ZNF385D: variants seen among roughly 807,000 people sequenced by gnomAD.
The protein encoded by ZNF385D is zinc finger protein 385D.
A neutral mutation model predicts 35.8 loss-of-function variants in ZNF385D; 15 were observed. The observed-to-expected ratio is 0.42, with a 90% CI of 0.28 to 0.64. ZNF385D has a LOEUF of 0.64. ZNF385D is among the 30% of genes least tolerant of loss of function. The pLI, the probability that ZNF385D is intolerant of heterozygous loss-of-function variation, is 0.23. For missense variants in ZNF385D, 474 were observed against 494.6 expected (o/e 0.96, Z 0.39); for synonymous variants, 212 against 186.8 (o/e 1.13, Z -1.10).
intron 1 of ZNF385D, among the ~76,000 whole-genome samples, chr3:21,730,520 C>T (rs2068948836): frequency 6.6e-6 from 1 of 152,150 alleles, no homozygotes; most frequent in Non-Finnish European, 1.5e-5. Context: ...AATAATAATT[C>T]CACATACAGT....
At chr3:21,706,814 T>TGATA (rs67457933) in intron 1 of ZNF385D, among the ~76,000 whole-genome samples, 6,395 of 150,276 alleles carry the variant, frequency 0.043, 268 homozygotes, top group African/African-American at 0.11. Flanking sequence ...AGATAATAGA[T>TGATA]GATAGATAGA....
At chr3:21,700,697 G>T (rs2067650265) in intron 1 of ZNF385D, among the ~76,000 whole-genome samples, 1 of 152,270 alleles carries the variant, frequency 6.6e-6, no homozygotes, top group Non-Finnish European at 1.5e-5. Flanking sequence ...GCTTTCCATA[G>T]AGAGGTGTTG....
intron 1 of ZNF385D, among the ~76,000 whole-genome samples, chr3:21,708,333 G>T (rs2067981918): frequency 6.6e-6 from 1 of 152,210 alleles, no homozygotes; most frequent in South Asian, 2.1e-4. Flanking sequence ...CACAATGAGG[G>T]TGGTGTTATT....
chr3:21,631,179 CT>C lies in ZNF385D; in HGVS notation c.165+33706del, dbSNP rs1485430813. 2.0e-5 allele frequency among the ~76,000 whole-genome samples: 3 copies of C among 152,056 alleles called. No homozygotes were observed. In the East Asian group the frequency reaches 5.8e-4, roughly 29 times the overall value. Reference sequence around the variant, plus strand: ...ATAGAAACTTTCTGATGACAATTTCCTTTTCCACGCTGCACTTCAGTGGACG... The same window carrying C: ...ATAGAAACTTTCTGATGACAATTTCCTTTCCACGCTGCACTTCAGTGGACG... On this transcript the variant is annotated intron_variant, in intron 2 of 7. Coordinates refer to ENST00000281523, the MANE Select transcript of ZNF385D (RefSeq NM_024697.3).
At chr3:21,548,254 C>A (rs2062448918) in intron 3 of ZNF385D, among the ~76,000 whole-genome samples, 1 of 152,156 alleles carries the variant, frequency 6.6e-6, no homozygotes, top group African/African-American at 2.4e-5. Flanking sequence ...CACCACCACA[C>A]CTGGCTGATA....
chr3:21,789,845 A>C (rs3933112), intron 3 of ZNF385D, among the ~76,000 whole-genome samples: 37,509 of 152,056 alleles, frequency 0.25, 4,758 homozygotes, highest in East Asian at 0.35. Flanking sequence ...ATATTCTACA[A>C]CCTTTGTGTA....
At chr3:21,711,938 A>T (rs2068124839) in intron 1 of ZNF385D, among the ~76,000 whole-genome samples, 1 of 152,226 alleles carries the variant, frequency 6.6e-6, no homozygotes, top group Admixed American at 6.5e-5. Context: ...AAAAACACAC[A>T]ATTATGTAAA....
chr3:22,036,574 AAAAC>A (rs986793025), intron 3 of ZNF385D, among the ~76,000 whole-genome samples: 4 of 152,094 alleles, frequency 2.6e-5, no homozygotes, highest in African/African-American at 9.7e-5. Flanking sequence ...TTTTAGGAAA[AAAAC>A]AAATTATTTC....
intron 3 of ZNF385D, among the ~76,000 whole-genome samples, chr3:21,918,948 G>C (rs1284681343): frequency 1.3e-5 from 2 of 152,132 alleles, no homozygotes; most frequent in African/African-American, 2.4e-5. Flanking sequence ...ACTTCTAAGA[G>C]AAAATATTCA....
chr3:21,759,448 G>A (rs1229366445), intron 3 of ZNF385D, among the ~76,000 whole-genome samples: 8 of 152,040 alleles, frequency 5.3e-5, no homozygotes, highest in African/African-American at 1.9e-4. Flanking sequence ...TCCCATTCAA[G>A]GAAAAAGGCT....
At chr3:22,277,190 G>C (rs113065943) in intron 2 of ZNF385D, among the ~76,000 whole-genome samples, 1 of 152,146 alleles carries the variant, frequency 6.6e-6, no homozygotes, top group South Asian at 2.1e-4. Flanking sequence ...AAGCAGGCAA[G>C]TAAGGGAAGC....
rs1575177554 is a variant in ZNF385D, at chr3:21,456,243, C to T, written c.440-19040G>A. Among the ~76,000 whole-genome samples the T allele has an allele frequency of 3.9e-5, 6 of 152,198 alleles. No homozygotes were observed. The South Asian group carries it at 1.2e-3, about 32-fold the overall frequency. ...CAGCCATCCCATTACTGGGTATATA[C>T]CCAAAGGATTATAAATCATGCTGCT... On this transcript the variant is annotated intron_variant, in intron 4 of 7. Transcript: ENST00000281523.
intron 3 of ZNF385D, among the ~76,000 whole-genome samples, chr3:22,160,772 G>A (rs988791382): frequency 2.6e-5 from 4 of 152,064 alleles, no homozygotes; most frequent in Non-Finnish European, 5.9e-5. Flanking sequence ...AATAAAAATA[G>A]GAAACCAGGC....
chr3:22,134,478 G>T (rs560403028), intron 3 of ZNF385D: 1 of 152,152 alleles, frequency 6.6e-6, no homozygotes, highest in African/African-American at 2.4e-5. Context: ...GAAGAATATG[G>T]AAGATCTAAA....
chr3:22,155,077 A>T (rs923751079), intron 3 of ZNF385D, among the ~76,000 whole-genome samples: 24 of 152,178 alleles, frequency 1.6e-4, no homozygotes, highest in African/African-American at 5.8e-4. Context: ...GACAATGACA[A>T]TATTATTATT....
chr3:22,320,187 C>A (rs1250801286), intron 2 of ZNF385D, among the ~76,000 whole-genome samples: 1 of 152,022 alleles, frequency 6.6e-6, no homozygotes. Flanking sequence ...ATCTCCCACC[C>A]TATGTCCTCC....
At chr3:21,848,310 G>T (rs780618995) in intron 3 of ZNF385D, among the ~76,000 whole-genome samples, 47 of 152,060 alleles carry the variant, frequency 3.1e-4, no homozygotes, top group Admixed American at 7.2e-4. Flanking sequence ...GTGAACATGG[G>T]AGTGGTCATA....
intron 3 of ZNF385D, among the ~76,000 whole-genome samples, chr3:21,548,860 T>A (rs1298246680): frequency 1.3e-5 from 2 of 152,212 alleles, no homozygotes; most frequent in Non-Finnish European, 2.9e-5. Context: ...ACCTAGCTGT[T>A]TCAGTAGCCT....
chr3:21,996,730 G>A (rs1275886661), intron 3 of ZNF385D, among the ~76,000 whole-genome samples: 2 of 152,008 alleles, frequency 1.3e-5, no homozygotes, highest in South Asian at 2.1e-4. Context: ...AATTTTCTTT[G>A]CCAAGAATAG....
Sources: allele counts gnomAD v4.1 joint callset (sites outside exome capture counted in the v4.1 genomes callset), GRCh38; gene constraint gnomAD v4.1.1; transcripts MANE v1.5; gene names NCBI Gene and HGNC (gene_info 2026-07-23, HGNC 2026-07-21).